The following SYNPO variants were observed in gnomAD, a reference collection of about 807,000 sequenced individuals.
SYNPO encodes the protein synaptopodin.
In SYNPO, 19 loss-of-function variants were observed where a neutral mutation model predicts 49.5. The ratio of observed to expected loss-of-function variants is 0.38; its 90% CI spans 0.27 to 0.56. The LOEUF is 0.56. Ranked by LOEUF, SYNPO falls within the 20% of genes least tolerant of loss-of-function variation. The pLI, the probability that SYNPO is intolerant of heterozygous loss-of-function variation, is 0.68. For missense variants in SYNPO, 1,131 were observed against 1,248.3 expected, an observed-to-expected ratio of 0.91 and a Z score of 1.42; for synonymous variants, 536 against 548.0, an observed-to-expected ratio of 0.98 and a Z score of 0.31.
At chr5:150,590,042 A>G in the SYNPO span, among the ~76,000 whole-genome samples, 1 of 152,232 alleles carries the variant, frequency 6.6e-6, no homozygotes, top group Non-Finnish European at 1.5e-5. Flanking sequence ...GCCCGCGCAG[A>G]GGGCTGCCAA....
chr5:150,644,893 G>A (rs1758032964), intron 1 of SYNPO, among the ~76,000 whole-genome samples: 1 of 152,208 alleles, frequency 6.6e-6, no homozygotes, highest in Admixed American at 6.5e-5. Flanking sequence ...CTACTCGGGG[G>A]GAGTAATATC....
intron 1 of SYNPO, among the ~76,000 whole-genome samples, chr5:150,611,726 G>C (rs566000673): frequency 1.3e-5 from 2 of 152,224 alleles, no homozygotes; most frequent in Admixed American, 6.5e-5. Context: ...TGGTCAGTCT[G>C]TCCTGAAGGA....
At chr5:150,641,927 T>A (rs1023230417) in intron 1 of SYNPO, among the ~76,000 whole-genome samples, 1 of 152,214 alleles carries the variant, frequency 6.6e-6, no homozygotes, top group Non-Finnish European at 1.5e-5. Flanking sequence ...TTGTTTCTCC[T>A]CTTTCCAGAG....
chr5:150,628,288 T>G (rs142944466), intron 2 of SYNPO, among the ~76,000 whole-genome samples: 189 of 152,296 alleles, frequency 1.2e-3, no homozygotes, highest in Non-Finnish European at 2.3e-3. Context: ...CGTATAGTAC[T>G]GTGCAGACCC....
At chr5:150,640,506 TG>T, upstream of SYNPO, 1 of 354,340 alleles carries the variant, frequency 2.8e-6, no homozygotes, top group Non-Finnish European at 3.9e-6. Flanking sequence ...CTCCATGTCC[TG>T]GGGAGGCAGC....
At chr5:150,652,188 G>A (rs909700851) in intron 2 of SYNPO, 1 of 1,001,246 alleles carries the variant, frequency 1.0e-6, no homozygotes, top group Non-Finnish European at 1.2e-6. Context: ...CCAGAACAGA[G>A]TGAAGCCCCT....
intron 1 of SYNPO, among the ~76,000 whole-genome samples, chr5:150,613,124 C>T (rs1756894366): frequency 6.6e-6 from 1 of 151,970 alleles, no homozygotes; most frequent in South Asian, 2.1e-4. Context: ...GAAGAAATTG[C>T]TCCAAAATTC....
intron 1 of SYNPO, among the ~76,000 whole-genome samples, chr5:150,604,949 GGCTCCATAACTTCAA>G (rs1229254855): frequency 6.6e-6 from 1 of 152,148 alleles, no homozygotes; most frequent in Non-Finnish European, 1.5e-5. Context: ...CGCTCCCCAT[GGCTCCATAACTTCAA>G]GCAGATTACT....
At position 150,650,223 on chromosome 5, in the gene SYNPO, C is replaced by T. The variant is rs780039272; in HGVS notation, c.1948C>T (p.Pro650Ser). Reference protein sequence around the residue: ...PYGGDISPVSPSRAWSPRAKQ... With the variant: ...PYGGDISPVSSSRAWSPRAKQ... ...CGGCGGTGACATCTCCCCCGTGTCT[C>T]CCTCCAGGGCGTGGTCTCCCCGAGC... Residue 650 changes from proline (P) to serine (S), a missense_variant, in exon 2 of 3, where the codon CCC (proline) becomes TCC (serine). Transcript: ENST00000307662. The T allele has an allele frequency of 6.2e-7, 1 of 1,613,936 alleles. No individual in the cohort carries two copies. The highest frequency in any genetic ancestry group is 1.1e-5 in the South Asian group (1 of 91,088).
intron 2 of SYNPO, among the ~76,000 whole-genome samples, chr5:150,632,622 G>A (rs1757578121): frequency 1.3e-5 from 2 of 152,180 alleles, no homozygotes; most frequent in Admixed American, 6.5e-5. Flanking sequence ...GCCTCTAAGG[G>A]CCCTTTCGGC....
At chr5:150,599,139 A>AGGATCCATTCT (rs1434009018), upstream of SYNPO, among the ~76,000 whole-genome samples, 8 of 152,342 alleles carry the variant, frequency 5.3e-5, no homozygotes, top group East Asian at 1.5e-3. Flanking sequence ...CATTCTCAAC[A>AGGATCCATTCT]CAAAATTCCA....
At chr5:150,645,633 T>C (rs896110330) in intron 1 of SYNPO, among the ~76,000 whole-genome samples, 1 of 152,142 alleles carries the variant, frequency 6.6e-6, no homozygotes, top group African/African-American at 2.4e-5. Flanking sequence ...TCCTGCCCCT[T>C]ATGTCCCAAA....
intron 2 of SYNPO, chr5:150,651,100 G>A (rs1205527950): frequency 2.2e-5 from 24 of 1,105,984 alleles, no homozygotes; most frequent in Admixed American, 5.2e-5. Flanking sequence ...GGTGGGGGAC[G>A]TCCCAGGGGA....
the SYNPO span, among the ~76,000 whole-genome samples, chr5:150,594,555 C>T: frequency 1.3e-5 from 2 of 152,278 alleles, no homozygotes; most frequent in East Asian, 3.9e-4. Flanking sequence ...TTGTCAAATT[C>T]CTTCCCCTCT....
rs896605542 is a variant in SYNPO at position 150,656,763 on chromosome 5, G to A, written c.2388G>A (p.Pro796=). The change falls in exon 3 of 3, where the codon CCG becomes CCA. Residue 796 remains proline, a synonymous_variant. Coordinates refer to ENST00000307662, the MANE Select transcript of SYNPO (RefSeq NM_007286.6). ...CGCCACCGCCCCCGCCCCCGCCCCC[G>A]CCCCCGCCCCCGCGCATGCGCTCGC... The part of the protein sequence containing the change: ...PRAPPPPPPP[P]PPPPRMRSPQ... The A allele has an allele frequency of 5.5e-6, 2 of 361,118 alleles. No homozygotes were observed. The highest frequency in any genetic ancestry group is 1.6e-4 in the East Asian group (2 of 12,232). The allele number at this position is 361,118 out of a possible 1,614,324, so 22.4% of individuals were successfully genotyped here.
At chr5:150,604,239 C>A (rs960844189) in intron 1 of SYNPO, among the ~76,000 whole-genome samples, 1 of 152,158 alleles carries the variant, frequency 6.6e-6, no homozygotes, top group East Asian at 1.9e-4. Flanking sequence ...GACCAGGGAG[C>A]GGGAGGTGGC....
At chr5:150,621,672 G>A (rs1027541166) in intron 2 of SYNPO, among the ~76,000 whole-genome samples, 1 of 152,214 alleles carries the variant, frequency 6.6e-6, no homozygotes, top group African/African-American at 2.4e-5. Flanking sequence ...GTTTAAGTAT[G>A]AGCCACTATA....
At position 150,649,867 on chromosome 5, in the gene SYNPO, T is replaced by C. The variant is rs1339675400; in HGVS notation, c.1592T>C (p.Val531Ala). ...ACTAACGCCCCCGGGGCCTTCCGAG[T>C]GGCATCCCGAAGCCCAGCCCGGACC... is the stretch of plus-strand genomic sequence containing the variant. ...YPTNAPGAFR[V>A]ASRSPARTPP... The change falls in exon 2 of 3, where the codon GTG (valine) becomes GCG (alanine). Residue 531 changes from valine (V) to alanine (A), a missense_variant. Val to Ala is a moderately conservative substitution (Grantham distance 64). Transcript: ENST00000307662. 2.5e-6 allele frequency: 4 copies of C among 1,608,988 alleles called. No individual in the cohort carries two copies. In the African/African-American group the frequency reaches 4.0e-5, roughly 16 times the overall value.
intron 2 of SYNPO, among the ~76,000 whole-genome samples, chr5:150,654,546 G>A (rs376549764): frequency 1.3e-5 from 2 of 152,326 alleles, no homozygotes; most frequent in East Asian, 3.9e-4. Flanking sequence ...AAGTCCTTAA[G>A]TACATAGGAA....
Sources: gnomAD v4.1 joint callset for allele counts (sites outside exome capture counted in the v4.1 genomes callset) on GRCh38, gnomAD v4.1.1 for gene constraint, MANE v1.5 for transcripts, NCBI Gene and HGNC (gene_info 2026-07-23, HGNC 2026-07-21) for gene names.